The following KCND2 variants were observed in gnomAD, a reference collection of about 807,000 sequenced individuals.
The protein encoded by KCND2 is A-type voltage-gated potassium channel KCND2.
KCND2 carries 16 observed loss-of-function variants against 54.4 expected under a neutral mutation model. That is an observed-to-expected ratio of 0.29 (90% confidence interval 0.20 to 0.45). KCND2 has a LOEUF of 0.45. KCND2 is among the 20% of genes least tolerant of loss of function. KCND2 has a pLI of 1.00. For synonymous variants in KCND2, 317 were observed against 310.7 expected, an observed-to-expected ratio of 1.02 and a Z score of -0.21; for missense variants, 486 against 824.2, an observed-to-expected ratio of 0.59 and a Z score of 5.02.
At chr7:120,391,996 G>A (rs374143654) in intron 1 of KCND2, among the ~76,000 whole-genome samples, 22 of 151,284 alleles carry the variant, frequency 1.5e-4, no homozygotes, top group East Asian at 5.8e-4. Context: ...TTGCCCGTGC[G>A]TATCCTGAAT....
intron 1 of KCND2, among the ~76,000 whole-genome samples, chr7:120,342,423 G>A (rs1211479670): frequency 6.6e-6 from 1 of 152,116 alleles, no homozygotes; most frequent in Non-Finnish European, 1.5e-5. Context: ...GACTTCTGAG[G>A]TAAACAATTT....
chr7:120,408,447 T>C (rs575165223), intron 1 of KCND2, among the ~76,000 whole-genome samples: 3 of 151,868 alleles, frequency 2.0e-5, no homozygotes, highest in African/African-American at 7.2e-5. Context: ...CCACAACATA[T>C]AACATGTAAA....
Position 120,550,504 on chromosome 7 carries a change from C to T in KCND2, c.1116-182399C>T, listed in dbSNP as rs75691817. On this transcript the variant is annotated intron_variant, in intron 1 of 5. Transcript: ENST00000331113. ...GCAGAATTAATCATGTTCAGTTGGC[C>T]AAATATCATTGCAGGCTGATATACC... Among the ~76,000 whole-genome samples, 937 of 152,182 alleles carry T rather than the reference C, an allele frequency of 6.2e-3. 10 individuals are homozygous for T. Among genetic ancestry groups the T allele is most frequent in the African/African-American group, 0.021 (867 of 41,524 alleles).
intron 1 of KCND2, among the ~76,000 whole-genome samples, chr7:120,416,253 C>T (rs1362678070): frequency 6.6e-6 from 1 of 152,206 alleles, no homozygotes; most frequent in Non-Finnish European, 1.5e-5. Flanking sequence ...TCTCCAGCTA[C>T]ATTGGCCTTT....
intron 1 of KCND2, among the ~76,000 whole-genome samples, chr7:120,434,504 A>G (rs1330004791): frequency 1.3e-5 from 2 of 152,178 alleles, no homozygotes; most frequent in Non-Finnish European, 2.9e-5. Flanking sequence ...AACAGAGGCT[A>G]TGTTTCTAGA....
intron 1 of KCND2, among the ~76,000 whole-genome samples, chr7:120,547,498 ATAT>A (rs1792055617): frequency 2.0e-5 from 3 of 151,882 alleles, no homozygotes; most frequent in Non-Finnish European, 4.4e-5. Context: ...AAACTCATAG[ATAT>A]GTTTGTTGTG....
At chr7:120,333,789 C>T (rs901044082) in intron 1 of KCND2, among the ~76,000 whole-genome samples, 5 of 152,068 alleles carry the variant, frequency 3.3e-5, no homozygotes, top group Non-Finnish European at 7.4e-5. Flanking sequence ...TATTAGCATT[C>T]ATCAAAATAA....
chr7:120,446,398 C>T (rs571596239), intron 1 of KCND2, among the ~76,000 whole-genome samples: 1 of 152,276 alleles, frequency 6.6e-6, no homozygotes, highest in Non-Finnish European at 1.5e-5. Context: ...AGATAACAAT[C>T]AACAACCAAT....
At chr7:120,282,581 C>A (rs2191735) in intron 1 of KCND2, among the ~76,000 whole-genome samples, 148,152 of 152,226 alleles carry the variant, frequency 0.97, 72,208 homozygotes, top group East Asian at 1. Flanking sequence ...GGAATGAGTT[C>A]CTAGAGGTTA....
At chr7:120,745,749 G>C (rs1235849044) in intron 4 of KCND2, 31 bp from the exon 5 acceptor site, 1 of 1,612,638 alleles carries the variant, frequency 6.2e-7, no homozygotes, top group Non-Finnish European at 8.5e-7. Context: ...GTGCTTCTCT[G>C]TTTCTTCATT....
intron 1 of KCND2, among the ~76,000 whole-genome samples, chr7:120,595,579 ATGTGTGTG>A (rs1158348551): frequency 1.3e-5 from 1 of 78,932 alleles, no homozygotes; most frequent in African/African-American, 4.2e-5. Flanking sequence ...GTGTATATAT[ATGTGTGTG>A]TGTGTATATA....
rs77222432 is a variant in KCND2, at chr7:120,473,385, G to A, written c.1115+197638G>A. 2.9e-4 allele frequency among the ~76,000 whole-genome samples: 44 copies of A among 152,216 alleles called. No homozygotes were observed. In the East Asian group the frequency reaches 7.7e-3, roughly 27 times the overall value. On this transcript the variant is annotated intron_variant, in intron 1 of 5. Transcript: ENST00000331113. ...TCATTATGGGAGAGGATTTCGGTCC[G>A]GTTTTGTGTCTCAGACTCTACACTG...
In KCND2 at chr7:120,479,393, G is replaced by A. The variant is rs144131105; in HGVS notation, c.1115+203646G>A. On this transcript the variant is annotated intron_variant, in intron 1 of 5. Transcript: ENST00000331113. ...TTTTCATCTTACACAAATTTTACCAGTATACATGTTTGATTAAAATATTTA... is the reference window on the plus strand; with the variant it reads ...TTTTCATCTTACACAAATTTTACCAATATACATGTTTGATTAAAATATTTA... Among the ~76,000 whole-genome samples, 530 of 151,736 alleles carry A rather than the reference G, an allele frequency of 3.5e-3. 3 individuals are homozygous for A. Among genetic ancestry groups the A allele is most frequent in the African/African-American group, 0.012 (512 of 41,412 alleles).
At chr7:120,491,540 A>G (rs776205361) in intron 1 of KCND2, among the ~76,000 whole-genome samples, 5 of 152,164 alleles carry the variant, frequency 3.3e-5, no homozygotes, top group Non-Finnish European at 5.9e-5. Context: ...TGATGAAGAT[A>G]CTAGCCTACA....
intron 1 of KCND2, among the ~76,000 whole-genome samples, chr7:120,481,430 A>C (rs11978938): frequency 1.3e-5 from 2 of 152,210 alleles, no homozygotes; most frequent in African/African-American, 4.8e-5. Context: ...AAGAATGAAA[A>C]GGCTGTTTAA....
At chr7:120,503,320 G>A (rs936040014) in intron 1 of KCND2, among the ~76,000 whole-genome samples, 1 of 151,724 alleles carries the variant, frequency 6.6e-6, no homozygotes, top group African/African-American at 2.4e-5. Context: ...AAGAGTGAAA[G>A]TAATCCATGC....
chr7:120,742,473 A>G (rs1297359898), intron 3 of KCND2, 37 bp from the exon 4 acceptor site: 2 of 1,545,338 alleles, frequency 1.3e-6, no homozygotes, highest in African/African-American at 1.4e-5. Flanking sequence ...GTTTGCAAAT[A>G]AAATAGAAAG....
At chr7:120,303,439 A>G (rs1799612240) in intron 1 of KCND2, among the ~76,000 whole-genome samples, 4 of 152,226 alleles carry the variant, frequency 2.6e-5, no homozygotes. Flanking sequence ...TAAAATCATT[A>G]AATACCTGTC....
intron 1 of KCND2, among the ~76,000 whole-genome samples, chr7:120,340,124 C>T (rs144218239): frequency 1.4e-4 from 21 of 152,258 alleles, no homozygotes; most frequent in Non-Finnish European, 2.6e-4. Context: ...GAGAGACTTA[C>T]ATTACACAAG....
Sources: allele counts gnomAD v4.1 joint callset (sites outside exome capture counted in the v4.1 genomes callset), GRCh38; gene constraint gnomAD v4.1.1; transcripts MANE v1.5; gene names NCBI Gene and HGNC (gene_info 2026-07-23, HGNC 2026-07-21).